MALRD1: variants seen among roughly 807,000 people sequenced by gnomAD.
MALRD1 encodes MAM and LDL-receptor class A domain-containing protein 1.
A neutral mutation model predicts 242.1 loss-of-function variants in MALRD1; 247 were observed. That is an observed-to-expected ratio of 1.02 (90% CI 0.92 to 1.13). The LOEUF (loss-of-function observed/expected upper bound fraction) is 1.13. Ranked by LOEUF, MALRD1 falls within the 50% of genes most tolerant of loss-of-function variation. The pLI is 0.00. For missense variants in MALRD1, 2,989 were observed against 2,533.1 expected (o/e 1.18, Z -3.86); for synonymous variants, 995 against 866.6 (o/e 1.15, Z -2.60).
chr10:19,387,917 T>G, intron 27 of MALRD1, 144 bp downstream of exon 27: 1 of 1,051,348 alleles, frequency 9.5e-7, no homozygotes, highest in South Asian at 1.7e-5. Flanking sequence ...AGTGTTTTTT[T>G]TCTTAGGGCT....
intron 36 of MALRD1, among the ~76,000 whole-genome samples, chr10:19,659,176 A>G (rs984941171): frequency 2.6e-5 from 4 of 152,158 alleles, no homozygotes; most frequent in Non-Finnish European, 4.4e-5. Context: ...TAGCCTTTAT[A>G]CTTCTAATAA....
chr10:19,465,600 A>G (rs1836181689), intron 29 of MALRD1, among the ~76,000 whole-genome samples: 1 of 152,270 alleles, frequency 6.6e-6, no homozygotes, highest in East Asian at 1.9e-4. Flanking sequence ...GCACGATCAC[A>G]GCTCACTGCA....
chr10:19,695,240 A>C (rs532327950), intron 38 of MALRD1, among the ~76,000 whole-genome samples: 1 of 152,130 alleles, frequency 6.6e-6, no homozygotes, highest in East Asian at 1.9e-4. Flanking sequence ...ATAAATATAT[A>C]TGAAATATTT....
chr10:19,212,928 G>C (rs904269076), intron 18 of MALRD1, among the ~76,000 whole-genome samples: 7 of 151,474 alleles, frequency 4.6e-5, no homozygotes, highest in Non-Finnish European at 1.0e-4. Flanking sequence ...TTTAAATGGG[G>C]TTGTTTGTTT....
At chr10:19,128,172 A>G in intron 7 of MALRD1, 49 bp from the exon 8 acceptor site, 1 of 1,190,746 alleles carries the variant, frequency 8.4e-7, no homozygotes, top group Non-Finnish European at 1.1e-6. Flanking sequence ...GTCAGACAGA[A>G]AGAAGCTAAT....
At chr10:19,629,073 G>C (rs932276547) in intron 36 of MALRD1, among the ~76,000 whole-genome samples, 1 of 152,158 alleles carries the variant, frequency 6.6e-6, no homozygotes, top group African/African-American at 2.4e-5. Flanking sequence ...TGCTAACAGA[G>C]TCACAAAAAT....
rs539614260 is a variant in MALRD1, at chr10:19,061,909, C to T, written c.200-4810C>T. On this transcript the variant is annotated intron_variant, in intron 1 of 39. Transcript: ENST00000454679. Reference sequence around the variant, plus strand: ...AATATGACACCAACAGCACAGGCAACAAAACAGATACATTGACTTCATTGA... The same window carrying T: ...AATATGACACCAACAGCACAGGCAATAAAACAGATACATTGACTTCATTGA... 5.3e-5 allele frequency among the ~76,000 whole-genome samples: 8 copies of T among 152,204 alleles called. No individual in the cohort carries two copies. In the South Asian group the frequency reaches 1.7e-3, roughly 32 times the overall value.
intron 32 of MALRD1, among the ~76,000 whole-genome samples, chr10:19,536,127 C>T (rs1423847019): frequency 6.6e-6 from 1 of 152,106 alleles, no homozygotes; most frequent in Non-Finnish European, 1.5e-5. Context: ...AACTACACTT[C>T]CCTAGCTGCT....
At chr10:19,481,172 A>G (rs1836979266) in intron 29 of MALRD1, among the ~76,000 whole-genome samples, 1 of 152,160 alleles carries the variant, frequency 6.6e-6, no homozygotes, top group African/African-American at 2.4e-5. Context: ...CACATTTTAA[A>G]ATATTTTTCT....
At chr10:19,500,287 A>C (rs755148162) in intron 31 of MALRD1, among the ~76,000 whole-genome samples, 2 of 152,208 alleles carry the variant, frequency 1.3e-5, no homozygotes, top group Non-Finnish European at 2.9e-5. Flanking sequence ...CCTTAAAAAC[A>C]TGAAGTTAGT....
chr10:19,392,405 T>C (rs1302053384), intron 28 of MALRD1, among the ~76,000 whole-genome samples: 4 of 151,992 alleles, frequency 2.6e-5, no homozygotes, highest in Non-Finnish European at 5.9e-5. Context: ...GATCCCCCTT[T>C]ATCGAGATCT....
chr10:19,503,931 A>T (rs1040003658), intron 31 of MALRD1, among the ~76,000 whole-genome samples: 2 of 152,210 alleles, frequency 1.3e-5, no homozygotes, highest in African/African-American at 4.8e-5. Flanking sequence ...TTTGGTAAAT[A>T]ACTATGGAAT....
chr10:19,552,882 T>A (rs1314040647), intron 32 of MALRD1, among the ~76,000 whole-genome samples: 1 of 152,128 alleles, frequency 6.6e-6, no homozygotes, highest in Non-Finnish European at 1.5e-5. Flanking sequence ...ACAACATTAT[T>A]TTCTGATAAA....
chr10:19,405,318 A>G (rs551257494), intron 28 of MALRD1, among the ~76,000 whole-genome samples: 124 of 152,234 alleles, frequency 8.1e-4, no homozygotes, highest in Middle Eastern at 3.4e-3. Flanking sequence ...AAGTCCCACC[A>G]TTCTCTTGTA....
At chr10:19,539,685 T>C (rs947803715) in intron 32 of MALRD1, among the ~76,000 whole-genome samples, 2 of 151,848 alleles carry the variant, frequency 1.3e-5, no homozygotes, top group East Asian at 1.9e-4. Context: ...TGCTTTGTTT[T>C]TTTATTTTTT....
At chr10:19,087,496 C>T (rs532499808) in intron 2 of MALRD1, among the ~76,000 whole-genome samples, 6 of 150,148 alleles carry the variant, frequency 4.0e-5, no homozygotes, top group Middle Eastern at 3.5e-3. Context: ...TATCACTTGG[C>T]GCCTTAAATT....
rs377269321 is a variant in MALRD1 at position 19,236,181 on chromosome 10, A to G, written c.2992-21503A>G. Among the ~76,000 whole-genome samples the G allele has an allele frequency of 4.6e-5, 7 of 152,274 alleles. No homozygotes were observed. In the East Asian group the frequency reaches 9.7e-4, roughly 21 times the overall value. On this transcript the variant is annotated intron_variant, in intron 18 of 39. Transcript: ENST00000454679. ...AACCTGTTTTTGGATACATGTGGGC[A>G]CTGCTTTTCACTCTCTTAGCCCCAT...
chr10:19,335,902 C>T (rs1045911490), intron 24 of MALRD1, among the ~76,000 whole-genome samples: 1 of 151,814 alleles, frequency 6.6e-6, no homozygotes, highest in Admixed American at 6.6e-5. Context: ...TTTGCTGCAC[C>T]CATCAACCCG....
At chr10:19,346,607 C>A (rs1844134772) in intron 24 of MALRD1, among the ~76,000 whole-genome samples, 1 of 152,178 alleles carries the variant, frequency 6.6e-6, no homozygotes, top group Admixed American at 6.6e-5. Flanking sequence ...TTAAAGAATT[C>A]TAAACAGTAC....
Sources: gnomAD v4.1 joint callset for allele counts (sites outside exome capture counted in the v4.1 genomes callset) on GRCh38, gnomAD v4.1.1 for gene constraint, MANE v1.5 for transcripts, NCBI Gene and HGNC (gene_info 2026-07-23, HGNC 2026-07-21) for gene names.